The following TSC22D1 variants were observed in gnomAD, a reference collection of about 807,000 sequenced individuals.
TSC22D1 encodes TSC22 domain family protein 1.
A neutral mutation model predicts 74.2 loss-of-function variants in TSC22D1; 9 were observed. The ratio of observed to expected loss-of-function variants is 0.12; its 90% confidence interval spans 0.07 to 0.21. TSC22D1 has a LOEUF of 0.21. Ranked by LOEUF, TSC22D1 falls within the 10% of genes least tolerant of loss-of-function variation. The pLI is 1.00. For synonymous variants in TSC22D1, 586 were observed against 492.5 expected, an observed-to-expected ratio of 1.19 and a Z score of -2.51; for missense variants, 1,427 against 1,304.7, an observed-to-expected ratio of 1.09 and a Z score of -1.44.
chr13:44,500,579 T>C (rs1252104570), intron 1 of TSC22D1, among the ~76,000 whole-genome samples: 8 of 152,210 alleles, frequency 5.3e-5, no homozygotes, highest in African/African-American at 1.7e-4. Context: ...TTCCTCACTT[T>C]CCTCACCACA....
intron 1 of TSC22D1, among the ~76,000 whole-genome samples, chr13:44,549,912 A>C (rs1278007484): frequency 6.6e-6 from 1 of 152,174 alleles, no homozygotes; most frequent in Non-Finnish European, 1.5e-5. Context: ...AAAAATTTTA[A>C]ATGTCCAACA....
chr13:44,551,987 C>T (rs147098472), intron 1 of TSC22D1, among the ~76,000 whole-genome samples: 18 of 152,310 alleles, frequency 1.2e-4, no homozygotes, highest in Non-Finnish European at 2.5e-4. Flanking sequence ...ACACCATTTA[C>T]GAACGACCAA....
chr13:44,569,587 G>A (rs1252508201), intron 1 of TSC22D1, among the ~76,000 whole-genome samples: 3 of 152,118 alleles, frequency 2.0e-5, no homozygotes, highest in African/African-American at 7.2e-5. Flanking sequence ...CTGAGAAGCA[G>A]GCAAAATGAG....
intron 1 of TSC22D1, among the ~76,000 whole-genome samples, chr13:44,467,186 A>T (rs1877337937): frequency 6.6e-6 from 1 of 152,050 alleles, no homozygotes; most frequent in African/African-American, 2.4e-5. Context: ...AACAAAAAAA[A>T]ATAGCTGCTA....
At position 44,436,040 on chromosome 13, in the gene TSC22D1, A is replaced by G. The variant is rs780901575; in HGVS notation, c.2964+4T>C. ...AGTATAAATGATTTTTCATCAGTAC[A>G]TACCATAGCTTGCTCGATTTTGTTG... On this transcript the variant is annotated splice_donor_region_variant and intron_variant, in intron 2 of 2. Transcript: ENST00000458659. 4 of 1,613,492 alleles carry G rather than the reference A, an allele frequency of 2.5e-6. No individual in the cohort carries two copies. The highest frequency in any genetic ancestry group is 3.4e-6 in the Non-Finnish European group (4 of 1,179,674).
intron 1 of TSC22D1, among the ~76,000 whole-genome samples, chr13:44,560,715 A>C (rs1882983382): frequency 6.6e-6 from 1 of 152,228 alleles, no homozygotes; most frequent in African/African-American, 2.4e-5. Flanking sequence ...TACGACTAAA[A>C]CATGGTTTAT....
intron 1 of TSC22D1, among the ~76,000 whole-genome samples, chr13:44,441,773 A>C (rs150608590): frequency 6.6e-6 from 1 of 152,290 alleles, no homozygotes; most frequent in Admixed American, 6.5e-5. Flanking sequence ...AAAAAATTTA[A>C]ATAAAATAAA....
intron 1 of TSC22D1, chr13:44,537,926 C>T (rs1008448736): frequency 6.1e-6 from 6 of 984,912 alleles, no homozygotes; most frequent in Non-Finnish European, 7.2e-6. Context: ...AAAATGTATA[C>T]CAAATTTAAC....
rs529884313 is a variant in TSC22D1 at position 44,550,765 on chromosome 13, G to C, written c.2912+22398C>G. On this transcript the variant is annotated intron_variant, in intron 1 of 2. Transcript: ENST00000458659. The stretch of plus-strand genomic sequence containing the variant: ...ATCAGCCCAGCCTGGGCAACATAGT[G>C]AGACTCCATCTCTACAAAAATTTAA... 4.0e-5 allele frequency among the ~76,000 whole-genome samples: 6 copies of C among 151,752 alleles called. 1 individual carries two copies. The highest frequency in any genetic ancestry group is 1.2e-4 in the African/African-American group (5 of 41,356).
intron 1 of TSC22D1, among the ~76,000 whole-genome samples, chr13:44,511,665 T>A (rs2095572): frequency 1.3e-5 from 2 of 151,890 alleles, no homozygotes; most frequent in Non-Finnish European, 2.9e-5. Flanking sequence ...TTTGTTGTTG[T>A]TAAACAATCA....
chr13:44,487,355 T>C (rs9525961), intron 1 of TSC22D1, among the ~76,000 whole-genome samples: 72,180 of 151,338 alleles, frequency 0.48, 17,428 homozygotes, highest in Non-Finnish European at 0.52. Flanking sequence ...AAAAATTAGC[T>C]GGGCGTGGTG....
chr13:44,571,603 A>C (rs1436601994), intron 1 of TSC22D1, among the ~76,000 whole-genome samples: 2 of 152,214 alleles, frequency 1.3e-5, no homozygotes, highest in African/African-American at 4.8e-5. Flanking sequence ...GTTTTTATAG[A>C]GGCTTCACTC....
At chr13:44,509,695 T>C (rs373244357) in intron 1 of TSC22D1, among the ~76,000 whole-genome samples, 1 of 152,086 alleles carries the variant, frequency 6.6e-6, no homozygotes, top group Non-Finnish European at 1.5e-5. Context: ...ATGTGTATTT[T>C]ACCAGGTTTT....
chr13:44,539,240 A>G (rs1881323276), intron 1 of TSC22D1: 2 of 985,166 alleles, frequency 2.0e-6, no homozygotes, highest in African/African-American at 3.5e-5. Context: ...AATGGAGCCT[A>G]GAATTGACAG....
At chr13:44,524,107 T>A (rs1360517762) in intron 1 of TSC22D1, among the ~76,000 whole-genome samples, 1 of 152,112 alleles carries the variant, frequency 6.6e-6, no homozygotes, top group African/African-American at 2.4e-5. Flanking sequence ...AGAGATTAAA[T>A]GAATCAAATT....
In TSC22D1 at chr13:44,446,832, G is replaced by A. The variant is rs531201209; in HGVS notation, c.2913-10737C>T. Among the ~76,000 whole-genome samples, 341 of 138,902 alleles carry A rather than the reference G, an allele frequency of 2.5e-3. 4 individuals carry two copies. Among genetic ancestry groups the A allele is most frequent in the Non-Finnish European group, 1.7e-3 (109 of 64,750 alleles). The allele number at this position is 138,902 out of a possible 152,430, so 91.1% of individuals were successfully genotyped here. A position where few individuals can be genotyped will look rare whatever the true frequency, so the allele number is the denominator to read the frequency against. On this transcript the variant is annotated intron_variant, in intron 1 of 2. Coordinates refer to ENST00000458659, the MANE Select transcript of TSC22D1 (RefSeq NM_183422.4). ...AGGAGGAAGAGGAGGAGGAAGAAGAGGAGGAGGAAGAAGAAGAAGAGGAAA... is the reference window on the plus strand; with the variant it reads ...AGGAGGAAGAGGAGGAGGAAGAAGAAGAGGAGGAAGAAGAAGAAGAGGAAA...
At chr13:44,491,252 C>A (rs966339855) in intron 1 of TSC22D1, among the ~76,000 whole-genome samples, 1 of 151,880 alleles carries the variant, frequency 6.6e-6, no homozygotes, top group Non-Finnish European at 1.5e-5. Flanking sequence ...ATATATGTAA[C>A]CTGAAGATTA....
At chr13:44,475,522 T>C (rs969126708) in intron 1 of TSC22D1, among the ~76,000 whole-genome samples, 11 of 144,004 alleles carry the variant, frequency 7.6e-5, no homozygotes, top group African/African-American at 2.3e-4. Context: ...ACTGTTAAAA[T>C]AGAAAACAAG....
chr13:44,507,392 A>C (rs1467545491), intron 1 of TSC22D1, among the ~76,000 whole-genome samples: 2 of 152,184 alleles, frequency 1.3e-5, no homozygotes, highest in African/African-American at 4.8e-5. Context: ...GTAATACATT[A>C]TACTGAAGGA....
Sources: allele counts gnomAD v4.1 joint callset (sites outside exome capture counted in the v4.1 genomes callset), GRCh38; gene constraint gnomAD v4.1.1; transcripts MANE v1.5; gene names NCBI Gene and HGNC (gene_info 2026-07-23, HGNC 2026-07-21).